Variants in MPRIP observed in about 807,000 individuals in gnomAD.
MPRIP encodes the protein myosin phosphatase Rho-interacting protein.
In MPRIP, 59 loss-of-function variants were observed where a neutral mutation model predicts 234.9. That is an observed-to-expected ratio of 0.25 (90% CI 0.20 to 0.31). MPRIP has a LOEUF of 0.31. Among genes scored for constraint, MPRIP ranks in the 10% least tolerant of loss-of-function variants. MPRIP has a pLI of 1.00. For synonymous variants in MPRIP, 1,144 were observed against 1,263.9 expected (o/e 0.91, Z 2.01); for missense variants, 2,436 against 3,071.0 (o/e 0.79, Z 4.89).
chr17:17,102,283 G>C (rs1265558538), intron 3 of MPRIP, among the ~76,000 whole-genome samples: 2 of 152,156 alleles, frequency 1.3e-5, no homozygotes, highest in East Asian at 3.9e-4. Flanking sequence ...AGCTCCCCAA[G>C]TGTACAAGGC....
chr17:17,048,310 C>T (rs928845384), intron 1 of MPRIP, among the ~76,000 whole-genome samples: 1 of 152,150 alleles, frequency 6.6e-6, no homozygotes, highest in African/African-American at 2.4e-5. Context: ...GCGGGGGCCT[C>T]AGGTGGGAAT....
At chr17:17,062,819 C>T (rs2088907569) in intron 1 of MPRIP, among the ~76,000 whole-genome samples, 1 of 152,226 alleles carries the variant, frequency 6.6e-6, no homozygotes, top group South Asian at 2.1e-4. Flanking sequence ...TTGCTTCTCT[C>T]TTTGTGAGTT....
At chr17:17,091,089 G>A (rs1164963331) in intron 3 of MPRIP, among the ~76,000 whole-genome samples, 4 of 151,908 alleles carry the variant, frequency 2.6e-5, no homozygotes, top group East Asian at 1.9e-4. Context: ...AGATCTCGGG[G>A]GCGGTTGGGG....
chr17:17,166,658 C>T lies in MPRIP; in HGVS notation c.5067C>T (p.Ser1689=), dbSNP rs1360083770. 2.5e-5 allele frequency: 32 copies of T among 1,304,026 alleles called. No homozygotes were observed. The highest frequency in any genetic ancestry group is 2.9e-5 in the Non-Finnish European group (29 of 988,986). 80.8% of individuals were successfully genotyped at this position (1,304,026 alleles called of 1,614,324 possible). Residue 1689 remains serine, a synonymous_variant, in exon 16 of 24, where the codon AGC becomes AGT. Transcript: ENST00000651222. The surrounding 1 kb of genome is among the most constrained non-coding windows in gnomAD (Gnocchi z 4.4). ...VRESFHRRLQ[S]IQETLRGTQT... ...AGTCGTTCCACCGCAGGCTACAGAG[C>T]ATCCAGGAGACCCTGCGGGGCACCC...
At chr17:17,079,851 A>C (rs757831552) in intron 3 of MPRIP, among the ~76,000 whole-genome samples, 23 of 152,204 alleles carry the variant, frequency 1.5e-4, no homozygotes, top group Non-Finnish European at 2.2e-4. Flanking sequence ...TGCAGAGCAC[A>C]TGCTGCCTCC....
intron 1 of MPRIP, among the ~76,000 whole-genome samples, chr17:17,045,945 A>G (rs1352825188): frequency 1.3e-5 from 2 of 151,822 alleles, no homozygotes. Flanking sequence ...AGCTGGGACT[A>G]CAGGCACCCG....
intron 1 of MPRIP, among the ~76,000 whole-genome samples, chr17:17,048,910 T>C (rs2088443625): frequency 6.6e-6 from 1 of 152,236 alleles, no homozygotes; most frequent in Non-Finnish European, 1.5e-5. Flanking sequence ...CTACTCACAA[T>C]AGCCAAACGG....
At chr17:17,097,301 A>G (rs1165849197) in intron 3 of MPRIP, 1 of 152,758 alleles carries the variant, frequency 6.5e-6, no homozygotes, top group Non-Finnish European at 1.5e-5. Context: ...AGACCTAAAA[A>G]CAATAATTTT....
intron 1 of MPRIP, among the ~76,000 whole-genome samples, chr17:17,068,066 G>A (rs1356036178): frequency 1.3e-5 from 2 of 151,804 alleles, no homozygotes; most frequent in Non-Finnish European, 2.9e-5. Flanking sequence ...AATCTGTGAT[G>A]CTATCCCTGT....
At chr17:17,075,208 A>G (rs4074612) in intron 1 of MPRIP, among the ~76,000 whole-genome samples, 17,850 of 152,140 alleles carry the variant, frequency 0.12, 1,447 homozygotes, top group East Asian at 0.29. Flanking sequence ...TTTGAACTCA[A>G]AGAGTTTCTG....
Position 17,166,303 on chromosome 17 carries a change from T to A in MPRIP, c.4712T>A (p.Leu1571Gln). 2 of 1,304,462 alleles carry A rather than the reference T, an allele frequency of 1.5e-6. No homozygotes were observed. Among genetic ancestry groups the A allele is most frequent in the Non-Finnish European group, 2.0e-6 (2 of 989,010 alleles). 80.8% of individuals were successfully genotyped at this position (1,304,462 alleles called of 1,614,324 possible). A position where few individuals can be genotyped will look rare whatever the true frequency, so the allele number is the denominator to read the frequency against. Residue 1571 changes from leucine (L) to glutamine (Q), a missense_variant, in exon 16 of 24, where the codon CTG (leucine) becomes CAG (glutamine). Around this residue, in one of 4 missense-constraint regions of MPRIP, gnomAD observed 1,998 missense variants for 2,520.3 expected, o/e 0.79. Transcript: ENST00000651222. This position sits in a 1 kb window ranked among gnomAD's most constrained non-coding sequence, Gnocchi z 4.4. ...QVRLLSDQIA[L>Q]EASLISQIAD... ...AGGCTTCTTTCTGACCAGATTGCTCTGGAGGCCTCGCTGATCAGCCAGATA... is the reference window on the plus strand; with the variant it reads ...AGGCTTCTTTCTGACCAGATTGCTCAGGAGGCCTCGCTGATCAGCCAGATA...
Position 17,154,414 on chromosome 17 carries a change from A to G in MPRIP, c.1828A>G (p.Ser610Gly). ...VHPTTAPDVTSSLPEEKNKSS... is the reference protein window; with the variant it reads ...VHPTTAPDVTGSLPEEKNKSS... ...CCCGACCACTGCCCCGGATGTGACC[A>G]GGTAGGATGGTGAAGACACCAGGGA... is the stretch of plus-strand genomic sequence containing the variant. The change falls in exon 13 of 24, where the codon AGC becomes GGC. Residue 610 changes from serine (S) to glycine (G), a missense_variant and splice_region_variant. Coordinates refer to ENST00000651222, the MANE Select transcript of MPRIP (RefSeq NM_001364716.4). 6.2e-7 allele frequency: 1 copy of G among 1,613,888 alleles called. No homozygotes were observed. The highest frequency in any genetic ancestry group is 8.5e-7 in the Non-Finnish European group (1 of 1,179,794).
chr17:17,090,431 G>A (rs911077071), intron 3 of MPRIP, among the ~76,000 whole-genome samples: 3 of 152,198 alleles, frequency 2.0e-5, no homozygotes, highest in Non-Finnish European at 2.9e-5. Flanking sequence ...AATAAGCAGT[G>A]AGTCATTGTC....
chr17:17,113,627 G>A (rs1263056859), intron 3 of MPRIP, among the ~76,000 whole-genome samples: 5 of 152,138 alleles, frequency 3.3e-5, no homozygotes, highest in Admixed American at 6.5e-5. Flanking sequence ...ATATCTGTTC[G>A]AGTCCCTGTG....
intron 13 of MPRIP, among the ~76,000 whole-genome samples, chr17:17,154,846 G>A (rs574417007): frequency 2.0e-5 from 3 of 149,896 alleles, no homozygotes; most frequent in South Asian, 2.1e-4. Flanking sequence ...TCACTCCTAC[G>A]TCTGTTTGAT....
chr17:17,116,717 G>T (rs2090292809), intron 3 of MPRIP, among the ~76,000 whole-genome samples: 2 of 152,232 alleles, frequency 1.3e-5, no homozygotes, highest in Admixed American at 1.3e-4. Context: ...GGCCTGCCCC[G>T]CATGCATCTG....
chr17:17,064,508 T>C (rs1001924577), intron 1 of MPRIP, among the ~76,000 whole-genome samples: 5 of 152,188 alleles, frequency 3.3e-5, no homozygotes, highest in African/African-American at 1.2e-4. Flanking sequence ...GCTGGGATAC[T>C]GACTACAATG....
chr17:17,047,457 T>A (rs915138852), intron 1 of MPRIP, among the ~76,000 whole-genome samples: 2 of 152,244 alleles, frequency 1.3e-5, no homozygotes, highest in Non-Finnish European at 2.9e-5. Context: ...TGTAAAATAA[T>A]TTCTCATATT....
At chr17:17,108,160 G>T (rs1025762722) in intron 3 of MPRIP, among the ~76,000 whole-genome samples, 4 of 152,176 alleles carry the variant, frequency 2.6e-5, no homozygotes, top group Admixed American at 2.6e-4. Flanking sequence ...GCCTTTCAGG[G>T]TACTGTCCCC....
Sources: allele counts gnomAD v4.1 joint callset (sites outside exome capture counted in the v4.1 genomes callset), GRCh38; gene constraint gnomAD v4.1.1; regional missense constraint gnomAD v4.1.1; non-coding constraint Gnocchi (gnomAD v3.1); transcripts MANE v1.5; gene names NCBI Gene and HGNC (gene_info 2026-07-23, HGNC 2026-07-21).